KCNQ3: variants seen among roughly 807,000 people sequenced by gnomAD.
The protein encoded by KCNQ3 is potassium voltage-gated channel subfamily KQT member 3.
KCNQ3 carries 30 observed loss-of-function variants against 92.5 expected under a neutral mutation model. That is an observed-to-expected ratio of 0.32 (90% CI 0.24 to 0.44). The LOEUF (loss-of-function observed/expected upper bound fraction) is 0.44, where lower values mean the gene tolerates loss of function less well. Among genes scored for constraint, KCNQ3 ranks in the 20% least tolerant of loss-of-function variants. KCNQ3 has a pLI of 1.00. For missense variants in KCNQ3, 913 were observed against 1,140.3 expected (o/e 0.80, Z 2.87); for synonymous variants, 450 against 468.8 (o/e 0.96, Z 0.52).
At position 132,137,850 on chromosome 8, in the gene KCNQ3, G is replaced by A. The variant is rs760302495; in HGVS notation, c.1700+35C>T. 6.2e-6 allele frequency: 10 copies of A among 1,612,168 alleles called. No homozygotes were observed. The South Asian group carries it at 9.9e-5, about 16-fold the overall frequency. ...AACTCTAAGGTTCATAGGGCTTTGA[G>A]GGGAGCGCAGTCCCTCCAGATGTGA... On this transcript the variant is annotated intron_variant, in intron 12 of 14. Transcript: ENST00000388996.
chr8:132,412,619 C>T (rs1018849120), intron 1 of KCNQ3, among the ~76,000 whole-genome samples: 2 of 152,144 alleles, frequency 1.3e-5, no homozygotes, highest in African/African-American at 4.8e-5. Flanking sequence ...TCAGCCTAAG[C>T]AATGGTAGTG....
At chr8:132,459,646 T>C (rs1822017933) in intron 1 of KCNQ3, among the ~76,000 whole-genome samples, 1 of 152,152 alleles carries the variant, frequency 6.6e-6, no homozygotes, top group African/African-American at 2.4e-5. Context: ...AATTTCAACA[T>C]GTAGTTTGAG....
chr8:132,328,630 A>C (rs1441611679), intron 1 of KCNQ3, among the ~76,000 whole-genome samples: 1 of 152,222 alleles, frequency 6.6e-6, no homozygotes, highest in Non-Finnish European at 1.5e-5. Flanking sequence ...TAGAGAGTTA[A>C]TATATCCAAA....
chr8:132,480,351 G>A lies in KCNQ3; in HGVS notation c.182C>T (p.Ala61Val). 1 of 1,592,976 alleles carries A rather than the reference G, an allele frequency of 6.3e-7. No individual in the cohort carries two copies. The highest frequency in any genetic ancestry group is 1.1e-5 in the South Asian group (1 of 89,068). The change falls in exon 1 of 15, where the codon GCC (alanine) becomes GTC (valine). Residue 61 changes from alanine to valine, a missense_variant. By Grantham distance (64) the Ala-to-Val change is moderately conservative. Around this residue, in one of 6 missense-constraint regions of KCNQ3, gnomAD observed 183 missense variants for 167.7 expected, o/e 1.09. Transcript: ENST00000388996. ...CAGCAGCAGGGTCCCGTCTTTGTCG[G>A]CTCCGGCCCCGAGCGCCAAGGTGAC... ...EQVTLALGAG[A>V]DKDGTLLLEG...
intron 1 of KCNQ3, among the ~76,000 whole-genome samples, chr8:132,393,870 C>G (rs1377322695): frequency 6.6e-6 from 1 of 152,154 alleles, no homozygotes; most frequent in Non-Finnish European, 1.5e-5. Context: ...GTTGCATGCT[C>G]TATGAAAATG....
At chr8:132,394,365 A>G (rs1397472202) in intron 1 of KCNQ3, among the ~76,000 whole-genome samples, 1 of 152,166 alleles carries the variant, frequency 6.6e-6, no homozygotes, top group African/African-American at 2.4e-5. Context: ...CCATTCCAAG[A>G]ACTTACTAGC....
chr8:132,294,456 C>T (rs1816957542), intron 1 of KCNQ3, among the ~76,000 whole-genome samples: 1 of 152,160 alleles, frequency 6.6e-6, no homozygotes, highest in South Asian at 2.1e-4. Context: ...GAAAGAAAAT[C>T]TGAGGCTAGA....
intron 1 of KCNQ3, among the ~76,000 whole-genome samples, chr8:132,250,424 T>G (rs548980187): frequency 6.6e-6 from 1 of 152,224 alleles, no homozygotes; most frequent in Non-Finnish European, 1.5e-5. Context: ...AAATGGGACA[T>G]GTATTTAGCC....
intron 1 of KCNQ3, among the ~76,000 whole-genome samples, chr8:132,372,343 GC>G (rs1819493856): frequency 1.3e-5 from 2 of 152,120 alleles, no homozygotes; most frequent in Non-Finnish European, 2.9e-5. Context: ...ATACTCACTA[GC>G]TAAATGTTCT....
At chr8:132,388,275 A>G (rs181064133) in intron 1 of KCNQ3, among the ~76,000 whole-genome samples, 2 of 152,318 alleles carry the variant, frequency 1.3e-5, no homozygotes, top group Non-Finnish European at 2.9e-5. Context: ...TTTTAAAGCA[A>G]TTTGGTAATA....
chr8:132,244,513 T>C (rs1229918240), intron 1 of KCNQ3, among the ~76,000 whole-genome samples: 3 of 152,196 alleles, frequency 2.0e-5, no homozygotes, highest in Non-Finnish European at 4.4e-5. Context: ...TAAGATTTTC[T>C]GTTTTTACCC....
intron 1 of KCNQ3, among the ~76,000 whole-genome samples, chr8:132,211,761 A>G (rs1813862310): frequency 6.6e-6 from 1 of 151,812 alleles, no homozygotes; most frequent in Admixed American, 6.6e-5. Context: ...GACCAGCCTG[A>G]CCAACATAGT....
chr8:132,443,631 G>A (rs528203857), intron 1 of KCNQ3, among the ~76,000 whole-genome samples: 1 of 152,258 alleles, frequency 6.6e-6, no homozygotes, highest in East Asian at 1.9e-4. Flanking sequence ...TGATTTGGAT[G>A]CTTATTTCGA....
chr8:132,465,048 A>G (rs541408655), intron 1 of KCNQ3, among the ~76,000 whole-genome samples: 221 of 152,340 alleles, frequency 1.5e-3, no homozygotes, highest in African/African-American at 5.1e-3. Flanking sequence ...GAGGAATTTA[A>G]AAAAGAAATC....
chr8:132,339,675 G>A (rs1272845193), intron 1 of KCNQ3, among the ~76,000 whole-genome samples: 1 of 152,070 alleles, frequency 6.6e-6, no homozygotes, highest in Non-Finnish European at 1.5e-5. Context: ...CACCTGGAGA[G>A]GGCTTATATG....
At chr8:132,339,878 C>A (rs1222809248) in intron 1 of KCNQ3, among the ~76,000 whole-genome samples, 1 of 151,560 alleles carries the variant, frequency 6.6e-6, no homozygotes, top group African/African-American at 2.4e-5. Flanking sequence ...GATTTATAAA[C>A]CCAAACCTAT....
intron 1 of KCNQ3, among the ~76,000 whole-genome samples, chr8:132,447,604 G>A (rs545967268): frequency 6.6e-6 from 1 of 152,318 alleles, no homozygotes; most frequent in East Asian, 1.9e-4. Flanking sequence ...AAACCATAAG[G>A]GAGATAAGAT....
At chr8:132,249,646 G>A (rs987076940) in intron 1 of KCNQ3, among the ~76,000 whole-genome samples, 2 of 152,340 alleles carry the variant, frequency 1.3e-5, no homozygotes, top group Non-Finnish European at 2.9e-5. Context: ...CCAGTCCCAC[G>A]CCGTGCGCCT....
At chr8:132,335,663 A>C (rs1215681972) in intron 1 of KCNQ3, among the ~76,000 whole-genome samples, 1 of 152,182 alleles carries the variant, frequency 6.6e-6, no homozygotes, top group Non-Finnish European at 1.5e-5. Context: ...TTCAAAAGAG[A>C]ATCCAAATTC....
Sources: allele counts gnomAD v4.1 joint callset (sites outside exome capture counted in the v4.1 genomes callset), GRCh38; gene constraint gnomAD v4.1.1; regional missense constraint gnomAD v4.1.1; transcripts MANE v1.5; gene names NCBI Gene and HGNC (gene_info 2026-07-23, HGNC 2026-07-21).